AFAP1: variants seen among roughly 807,000 people sequenced by gnomAD.
AFAP1 encodes actin filament-associated protein 1.
Under a neutral mutation model 93.9 loss-of-function variants are expected in AFAP1, and 75 were observed. The ratio of observed to expected loss-of-function variants is 0.80; its 90% confidence interval spans 0.66 to 0.97. The LOEUF (loss-of-function observed/expected upper bound fraction) is 0.97, where lower values mean the gene tolerates loss of function less well. Among genes scored for constraint, AFAP1 ranks in the 50% least tolerant of loss-of-function variants. AFAP1 has a pLI of 0.00. For synonymous variants in AFAP1, 517 were observed against 430.7 expected, an observed-to-expected ratio of 1.20 and a Z score of -2.48; for missense variants, 1,201 against 1,050.8, an observed-to-expected ratio of 1.14 and a Z score of -1.98.
At chr4:7,880,668 G>T (rs535136592) in intron 1 of AFAP1, among the ~76,000 whole-genome samples, 5 of 152,216 alleles carry the variant, frequency 3.3e-5, no homozygotes, top group African/African-American at 1.2e-4. Flanking sequence ...GGTGAGAGCC[G>T]GGAACGGGGT....
chr4:7,791,307 A>G (rs1329442862), intron 11 of AFAP1, among the ~76,000 whole-genome samples: 1 of 152,016 alleles, frequency 6.6e-6, no homozygotes, highest in South Asian at 2.1e-4. Flanking sequence ...CCCAGTCCCA[A>G]CTCTCTAAGG....
At chr4:7,848,461 C>T (rs539821044) in intron 4 of AFAP1, among the ~76,000 whole-genome samples, 65 of 152,024 alleles carry the variant, frequency 4.3e-4, no homozygotes, top group South Asian at 2.1e-4. Context: ...TGGGGAAGTG[C>T]GGGAGGGCAG....
chr4:7,882,111 A>C (rs1350409656), intron 1 of AFAP1, among the ~76,000 whole-genome samples: 1 of 152,180 alleles, frequency 6.6e-6, no homozygotes, highest in Non-Finnish European at 1.5e-5. Context: ...CTCTAAAACT[A>C]TGAAGTCCTA....
At chr4:7,889,461 G>A (rs1234123954) in intron 1 of AFAP1, among the ~76,000 whole-genome samples, 1 of 148,094 alleles carries the variant, frequency 6.8e-6, no homozygotes, top group Non-Finnish European at 1.5e-5. Flanking sequence ...GCTGAGGCAG[G>A]AGAATCATTT....
At chr4:7,860,702 T>C (rs113663820) in intron 3 of AFAP1, among the ~76,000 whole-genome samples, 29 of 152,250 alleles carry the variant, frequency 1.9e-4, no homozygotes, top group African/African-American at 6.5e-4. Context: ...CTGCACGGCA[T>C]CCGTTGCTCC....
chr4:7,927,192 T>C (rs541253023), intron 1 of AFAP1, among the ~76,000 whole-genome samples: 2 of 152,280 alleles, frequency 1.3e-5, no homozygotes, highest in South Asian at 4.1e-4. Context: ...GAAAGAAACC[T>C]CACATACACA....
chr4:7,871,865 T>G, intron 2 of AFAP1, 87 bp downstream of exon 2: 1 of 1,489,462 alleles, frequency 6.7e-7, no homozygotes, highest in Non-Finnish European at 9.1e-7. Context: ...AACAAATAAA[T>G]ATATTTTAGA....
In AFAP1 at chr4:7,774,852, C is replaced by T. The variant is rs749461411; in HGVS notation, c.1949G>A (p.Arg650Gln). 5 of 1,614,054 alleles carry T rather than the reference C, an allele frequency of 3.1e-6. No individual in the cohort carries two copies. The highest frequency in any genetic ancestry group is 4.5e-5 in the East Asian group (2 of 44,884). Residue 650 changes from arginine to glutamine, a missense_variant, in exon 15 of 18, where the codon CGG becomes CAG. Transcript: ENST00000420658. ...CAGCTCCTCCTCTTTGGTCTGTAGC[C>T]GCTTGGCATCTGCTTCTACCCGGTT... is the stretch of plus-strand genomic sequence containing the variant. ...GKNRVEADAK[R>Q]LQTKEEELLK...
chr4:7,862,200 G>T (rs1715781606), intron 3 of AFAP1: 1 of 152,218 alleles, frequency 6.6e-6, no homozygotes, highest in South Asian at 2.1e-4. Flanking sequence ...AGGTGTGATG[G>T]TGTACATCTG....
chr4:7,837,005 G>A (rs374763388), intron 6 of AFAP1, among the ~76,000 whole-genome samples: 3 of 152,130 alleles, frequency 2.0e-5, no homozygotes, highest in Admixed American at 2.0e-4. Context: ...AACAAGTACA[G>A]CACAACAGAC....
chr4:7,929,258 G>A (rs1275495804), intron 1 of AFAP1, among the ~76,000 whole-genome samples: 1 of 152,168 alleles, frequency 6.6e-6, no homozygotes, highest in African/African-American at 2.4e-5. Flanking sequence ...TGCCACAGCT[G>A]ACTGATGTCC....
At chr4:7,802,158 T>A (rs1719109004) in intron 9 of AFAP1, among the ~76,000 whole-genome samples, 1 of 152,236 alleles carries the variant, frequency 6.6e-6, no homozygotes, top group African/African-American at 2.4e-5. Flanking sequence ...TTTCATTGGC[T>A]GAATATGATG....
chr4:7,875,655 G>A (rs1245940067), intron 1 of AFAP1, among the ~76,000 whole-genome samples: 1 of 148,738 alleles, frequency 6.7e-6, no homozygotes, highest in Non-Finnish European at 1.5e-5. Context: ...GGGACGGGGG[G>A]CTGATAGCAT....
intron 12 of AFAP1, among the ~76,000 whole-genome samples, chr4:7,782,494 G>A (rs769692193): frequency 1.8e-4 from 28 of 152,204 alleles, no homozygotes; most frequent in Non-Finnish European, 3.5e-4. Flanking sequence ...TGGATATAAT[G>A]GTTTTATTTT....
chr4:7,929,977 G>A (rs566314685), intron 1 of AFAP1, among the ~76,000 whole-genome samples: 1 of 152,356 alleles, frequency 6.6e-6, no homozygotes, highest in Admixed American at 6.5e-5. Flanking sequence ...TATGCAGCAT[G>A]CTGGTTAAAA....
chr4:7,891,254 TTGCC>T (rs1718452525), intron 1 of AFAP1, among the ~76,000 whole-genome samples: 1 of 152,240 alleles, frequency 6.6e-6, no homozygotes, highest in South Asian at 2.1e-4. Context: ...AGATGAGCGG[TTGCC>T]CGGGTCTGTG....
intron 10 of AFAP1, among the ~76,000 whole-genome samples, chr4:7,796,161 C>T (rs954835943): frequency 7.9e-5 from 12 of 152,060 alleles, no homozygotes; most frequent in African/African-American, 1.4e-4. Context: ...GCACATCTGG[C>T]CCCCAGATCC....
intron 1 of AFAP1, among the ~76,000 whole-genome samples, chr4:7,930,442 C>G (rs1290351223): frequency 6.6e-6 from 1 of 151,906 alleles, no homozygotes; most frequent in African/African-American, 2.4e-5. Flanking sequence ...TCTCCCCTCC[C>G]CGGAGGTAGG....
chr4:7,781,281 C>G (rs1265910770), intron 13 of AFAP1, 95 bp downstream of exon 13: 1 of 1,434,462 alleles, frequency 7.0e-7, no homozygotes, highest in African/African-American at 1.4e-5. Flanking sequence ...TATGCTTTGC[C>G]TTTGATGAGT....
Sources: allele counts gnomAD v4.1 joint callset (sites outside exome capture counted in the v4.1 genomes callset), GRCh38; gene constraint gnomAD v4.1.1; transcripts MANE v1.5; gene names NCBI Gene and HGNC (gene_info 2026-07-23, HGNC 2026-07-21).